QSOX2: variants seen among roughly 807,000 people sequenced by gnomAD.
QSOX2 encodes quiescin sulfhydryl oxidase 2, also known as sulfhydryl oxidase 2.
In QSOX2, 46 loss-of-function variants were observed where a neutral mutation model predicts 61.7. The observed-to-expected ratio is 0.75, with a 90% confidence interval of 0.59 to 0.95. QSOX2 has a LOEUF of 0.95. Ranked by LOEUF, QSOX2 falls within the 40% of genes least tolerant of loss-of-function variation. The pLI is 0.00. For synonymous variants in QSOX2, 383 were observed against 388.4 expected (o/e 0.99, Z 0.16); for missense variants, 879 against 918.9 (o/e 0.96, Z 0.56).
Position 136,224,792 on chromosome 9 carries a change from G to C in QSOX2, c.478+69C>G, listed in dbSNP as rs189332154. The C allele has an allele frequency of 3.9e-3, 4,379 of 1,123,338 alleles. 9 individuals carry two copies. The highest frequency in any genetic ancestry group is 5.3e-3 in the Non-Finnish European group (4,080 of 766,954). 69.6% of individuals were successfully genotyped at this position (1,123,338 alleles called of 1,614,324 possible). ...CAGGCTGGGAGCTCCCCAGGCTCTG[G>C]GACCGTGTGTCTTTAGCAGGTTTAT... On this transcript the variant is annotated intron_variant, in intron 3 of 11. Transcript: ENST00000358701.
chr9:136,238,601 C>T (rs935677471), intron 1 of QSOX2, among the ~76,000 whole-genome samples: 1 of 152,238 alleles, frequency 6.6e-6, no homozygotes, highest in African/African-American at 2.4e-5. Context: ...AACCCTCCCT[C>T]TGCCCCTCAG....
At chr9:136,212,656 G>A (rs923429628) in intron 10 of QSOX2, among the ~76,000 whole-genome samples, 19 of 152,300 alleles carry the variant, frequency 1.2e-4, no homozygotes, top group African/African-American at 2.6e-4. Context: ...TCTCCTGCCG[G>A]GAGGGCTCCA....
At chr9:136,212,635 G>A (rs958330179) in intron 10 of QSOX2, among the ~76,000 whole-genome samples, 1 of 152,284 alleles carries the variant, frequency 6.6e-6, no homozygotes, top group African/African-American at 2.4e-5. Context: ...GACCCGGCCC[G>A]TCTGCCCTGC....
intron 1 of QSOX2, among the ~76,000 whole-genome samples, chr9:136,239,774 C>T (rs1406473694): frequency 1.3e-5 from 2 of 152,182 alleles, no homozygotes; most frequent in East Asian, 1.9e-4. Context: ...AATGCCAGGC[C>T]GTGTGCTCAG....
Position 136,209,226 on chromosome 9 carries a change from C to A in QSOX2, c.1599G>T (p.Pro533=). Residue 533 remains proline (P), a synonymous_variant, in exon 12 of 12, where the codon CCG becomes CCT. Coordinates refer to ENST00000358701, the MANE Select transcript of QSOX2 (RefSeq NM_181701.4). This position sits in a 1 kb window ranked among gnomAD's most constrained non-coding sequence, Gnocchi z 5.6. Reference sequence around the variant, plus strand: ...CCTCATGGCAGGCTGGGCAGAGGTCCGGAGTGGGCCACTGAAGCTTTGGAA... The same window carrying A: ...CCTCATGGCAGGCTGGGCAGAGGTCAGGAGTGGGCCACTGAAGCTTTGGAA... ...PRFPKLQWPT[P]DLCPACHEEI... is the part of the protein sequence containing the mutation. 2 of 1,613,916 alleles carry A rather than the reference C, an allele frequency of 1.2e-6. No homozygotes were observed. The highest frequency in any genetic ancestry group is 1.7e-6 in the Non-Finnish European group (2 of 1,179,938).
At chr9:136,232,536 A>G (rs1211257171) in intron 1 of QSOX2, among the ~76,000 whole-genome samples, 11 of 152,220 alleles carry the variant, frequency 7.2e-5, no homozygotes, top group Admixed American at 7.2e-4. Context: ...AAATATATAC[A>G]AATCTATTAT....
intron 1 of QSOX2, among the ~76,000 whole-genome samples, chr9:136,234,164 CAGA>C (rs1407179522): frequency 4.3e-4 from 65 of 152,284 alleles, no homozygotes; most frequent in Non-Finnish European, 4.4e-5. Flanking sequence ...ACTTCCTGAG[CAGA>C]AGGCCTACTT....
Position 136,226,691 on chromosome 9 carries a change from A to G in QSOX2, c.429+83T>C. On this transcript the variant is annotated intron_variant, in intron 2 of 11. Transcript: ENST00000358701. Reference sequence around the variant, plus strand: ...AGGCACTATGATGTGGCGAATTTCAACAGACAAGCAGCCGCGTGATGCTCA... The same window carrying G: ...AGGCACTATGATGTGGCGAATTTCAGCAGACAAGCAGCCGCGTGATGCTCA... 4 of 1,149,170 alleles carry G rather than the reference A, an allele frequency of 3.5e-6. No homozygotes were observed. The East Asian group carries it at 9.4e-5, about 27-fold the overall frequency. The allele number at this position is 1,149,170 out of a possible 1,614,324, so 71.2% of individuals were successfully genotyped here.
chr9:136,236,503 GA>G (rs2131067643), intron 1 of QSOX2, among the ~76,000 whole-genome samples: 1 of 152,370 alleles, frequency 6.6e-6, no homozygotes, highest in South Asian at 2.1e-4. Flanking sequence ...CACGACAGCA[GA>G]AGAGCCAGCG....
At chr9:136,226,136 T>A (rs375321628) in intron 2 of QSOX2, among the ~76,000 whole-genome samples, 1 of 151,068 alleles carries the variant, frequency 6.6e-6, no homozygotes, top group Admixed American at 6.6e-5. Flanking sequence ...AAGGACGGAG[T>A]TTTACTCAAA....
intron 10 of QSOX2, among the ~76,000 whole-genome samples, chr9:136,212,148 C>T (rs1407644564): frequency 6.6e-6 from 1 of 152,214 alleles, no homozygotes; most frequent in East Asian, 1.9e-4. Context: ...GAACAACACA[C>T]ATCTCAAGAA....
rs137899502 is a variant in QSOX2, at chr9:136,226,332, T to C, written c.429+442A>G. 5.2e-4 allele frequency among the ~76,000 whole-genome samples: 79 copies of C among 152,254 alleles called. 6 individuals carry two copies. In the East Asian group the frequency reaches 0.015, roughly 29 times the overall value. ...CACAGCCTTGTCTGCAGGGCTGACT[T>C]TGGCTGGGGAAGGCAGAGGCCCTGT... On this transcript the variant is annotated intron_variant, in intron 2 of 11. Coordinates refer to ENST00000358701, the MANE Select transcript of QSOX2 (RefSeq NM_181701.4).
At chr9:136,243,479 CAATT>C (rs983758501) in intron 1 of QSOX2, among the ~76,000 whole-genome samples, 2 of 152,226 alleles carry the variant, frequency 1.3e-5, no homozygotes, top group African/African-American at 2.4e-5. Flanking sequence ...CTCTTTCAAT[CAATT>C]GCCAGTCAGA....
chr9:136,234,456 G>A (rs1295152646), intron 1 of QSOX2, among the ~76,000 whole-genome samples: 2 of 152,214 alleles, frequency 1.3e-5, no homozygotes, highest in Non-Finnish European at 2.9e-5. Flanking sequence ...CCGCCCAGAT[G>A]TCCGGCAGAT....
At chr9:136,214,743 C>T (rs1407254422) in intron 10 of QSOX2, among the ~76,000 whole-genome samples, 3 of 152,336 alleles carry the variant, frequency 2.0e-5, no homozygotes, top group African/African-American at 4.8e-5. Context: ...CATAACCGTG[C>T]GTGGTTCCCG....
intron 1 of QSOX2, among the ~76,000 whole-genome samples, chr9:136,240,974 G>T (rs1830428946): frequency 6.6e-6 from 1 of 152,116 alleles, no homozygotes; most frequent in Non-Finnish European, 1.5e-5. Flanking sequence ...ACGACGACCG[G>T]CATGACACAG....
At chr9:136,238,557 C>T (rs553175670) in intron 1 of QSOX2, among the ~76,000 whole-genome samples, 6 of 152,338 alleles carry the variant, frequency 3.9e-5, no homozygotes, top group Non-Finnish European at 5.9e-5. Context: ...CCTGAGCAAG[C>T]CCGGCGGGCA....
In QSOX2 at chr9:136,245,571, C is replaced by G; in HGVS notation, c.233G>C (p.Ser78Thr). ...GAACTGCACGAGCCACGCGGCCGAG[C>G]TGTTGGCGGTGGCCCCGCGCACGCT... The part of the protein sequence containing the change: ...SGSVRGATAN[S>T]SAAWLVQFYS... The change falls in exon 1 of 12, where the codon AGC becomes ACC. Residue 78 changes from serine (S) to threonine (T), a missense_variant. By Grantham distance (58) the Ser-to-Thr change is moderately conservative. Coordinates refer to ENST00000358701, the MANE Select transcript of QSOX2 (RefSeq NM_181701.4). The G allele has an allele frequency of 6.3e-7, 1 of 1,580,118 alleles. No homozygotes were observed. The highest frequency in any genetic ancestry group is 8.5e-7 in the Non-Finnish European group (1 of 1,172,280).
At chr9:136,210,505 G>C in intron 11 of QSOX2, 1 of 985,472 alleles carries the variant, frequency 1.0e-6, no homozygotes, top group Non-Finnish European at 1.2e-6. Context: ...GGGCGGCGGC[G>C]ATGCAGAGGC....
Sources: allele counts gnomAD v4.1 joint callset (sites outside exome capture counted in the v4.1 genomes callset), GRCh38; gene constraint gnomAD v4.1.1; non-coding constraint Gnocchi (gnomAD v3.1); transcripts MANE v1.5; gene names NCBI Gene and HGNC (gene_info 2026-07-23, HGNC 2026-07-21).